SELENOT: variants seen among roughly 807,000 people sequenced by gnomAD.
SELENOT encodes selenoprotein T.
SELENOT carries 9 observed loss-of-function variants against 24.3 expected under a neutral mutation model. The ratio of observed to expected loss-of-function variants is 0.37; its 90% CI spans 0.22 to 0.65. The LOEUF is 0.65. SELENOT is among the 30% of genes least tolerant of loss of function. SELENOT has a pLI of 0.60. For missense variants in SELENOT, 166 were observed against 247.6 expected (o/e 0.67, Z 2.21); for synonymous variants, 81 against 86.0 (o/e 0.94, Z 0.32).
At chr3:150,604,354 A>T (rs1217840665) in intron 1 of SELENOT, among the ~76,000 whole-genome samples, 1 of 152,100 alleles carries the variant, frequency 6.6e-6, no homozygotes, top group East Asian at 1.9e-4. Flanking sequence ...GCGGGTGGGG[A>T]TTGAAAGGCT....
chr3:150,629,705 C>T lies in SELENOT; in HGVS notation c.*2076C>T, dbSNP rs1250457938. 1 of 152,500 alleles carries T rather than the reference C, an allele frequency of 6.6e-6. No homozygotes were observed. Among genetic ancestry groups the T allele is most frequent in the African/African-American group, 2.4e-5 (1 of 41,416 alleles). 9.4% of individuals were successfully genotyped at this position (152,500 alleles called of 1,614,324 possible). On this transcript the variant is annotated 3_prime_UTR_variant, in exon 6 of 6. Coordinates refer to ENST00000471696, the MANE Select transcript of SELENOT (RefSeq NM_016275.5). ...ATAAAATTCAGCTGTGTTGTTGACG[C>T]TCATCTCTTTTGTCTTACGCTTAGC...
intron 1 of SELENOT, among the ~76,000 whole-genome samples, chr3:150,619,592 G>A (rs187579058): frequency 2.3e-4 from 35 of 152,302 alleles, no homozygotes; most frequent in African/African-American, 7.9e-4. Context: ...CATTTAGTCC[G>A]GAGCAGAAGG....
chr3:150,604,522 ATCAT>A (rs1725914536), intron 1 of SELENOT, among the ~76,000 whole-genome samples: 1 of 152,224 alleles, frequency 6.6e-6, no homozygotes, highest in African/African-American at 2.4e-5. Flanking sequence ...GGTGTTGGAC[ATCAT>A]TCATTTAAAA....
intron 4 of SELENOT, among the ~76,000 whole-genome samples, chr3:150,625,870 C>CTTTTT (rs34698339): frequency 7.2e-6 from 1 of 139,306 alleles, no homozygotes; most frequent in Non-Finnish European, 1.6e-5. Context: ...TAAACAATAA[C>CTTTTT]TTTTTTTTTT....
intron 4 of SELENOT, 95 bp downstream of exon 4, chr3:150,624,994 G>C (rs545766203): frequency 3.8e-5 from 21 of 559,558 alleles, no homozygotes; most frequent in South Asian, 1.4e-4. Flanking sequence ...AACTTCTTTA[G>C]TGTTTGTATA....
At chr3:150,610,455 C>A (rs1726062809) in intron 1 of SELENOT, among the ~76,000 whole-genome samples, 1 of 152,134 alleles carries the variant, frequency 6.6e-6, no homozygotes, top group Non-Finnish European at 1.5e-5. Context: ...GTCTATTAGA[C>A]TGGGTTCATG....
intron 1 of SELENOT, among the ~76,000 whole-genome samples, chr3:150,616,676 G>A (rs1191787265): frequency 6.6e-6 from 1 of 152,196 alleles, no homozygotes; most frequent in African/African-American, 2.4e-5. Flanking sequence ...AGTTAGAATG[G>A]CAGTCATTAA....
intron 1 of SELENOT, among the ~76,000 whole-genome samples, chr3:150,605,585 C>T (rs1725945539): frequency 6.6e-6 from 1 of 151,946 alleles, no homozygotes; most frequent in Admixed American, 6.6e-5. Flanking sequence ...AAAATGCTTC[C>T]ATTTAAAAAA....
chr3:150,618,431 G>A (rs556692524), intron 1 of SELENOT, among the ~76,000 whole-genome samples: 2 of 152,292 alleles, frequency 1.3e-5, no homozygotes, highest in East Asian at 3.9e-4. Flanking sequence ...GCGAGAGATT[G>A]GGGTTTATGA....
At chr3:150,620,462 C>T (rs1726313719) in intron 1 of SELENOT, among the ~76,000 whole-genome samples, 1 of 152,210 alleles carries the variant, frequency 6.6e-6, no homozygotes, top group Non-Finnish European at 1.5e-5. Flanking sequence ...ATCCCTGGCA[C>T]TCAGTGAGGA....
chr3:150,613,665 C>CTT (rs531822237), intron 1 of SELENOT, among the ~76,000 whole-genome samples: 16,233 of 78,816 alleles, frequency 0.21, 2,770 homozygotes, highest in East Asian at 0.45. Flanking sequence ...AAGATGGGAA[C>CTT]TTTTTTTTTT....
At chr3:150,611,824 AC>A in intron 1 of SELENOT, 1 of 940,832 alleles carries the variant, frequency 1.1e-6, no homozygotes. Flanking sequence ...ACTGGCGACC[AC>A]AGCGGCCACT....
chr3:150,605,582 T>TGAGAAAA (rs1347614016), intron 1 of SELENOT, among the ~76,000 whole-genome samples: 42 of 152,288 alleles, frequency 2.8e-4, no homozygotes, highest in African/African-American at 9.1e-4. Context: ...ACAAAAATGC[T>TGAGAAAA]TCCATTTAAA....
chr3:150,605,816 G>T (rs1725950507), intron 1 of SELENOT, among the ~76,000 whole-genome samples: 1 of 152,154 alleles, frequency 6.6e-6, no homozygotes, highest in South Asian at 2.1e-4. Flanking sequence ...AAGTTTGTTT[G>T]AGAAAGGACA....
intron 1 of SELENOT, among the ~76,000 whole-genome samples, chr3:150,610,972 T>C (rs1726072977): frequency 6.6e-6 from 1 of 151,584 alleles, no homozygotes; most frequent in Admixed American, 6.6e-5. Flanking sequence ...CTGTATTTAA[T>C]GGTCTTGCCA....
At chr3:150,605,034 T>C (rs1178311334) in intron 1 of SELENOT, among the ~76,000 whole-genome samples, 2 of 80,966 alleles carry the variant, frequency 2.5e-5, no homozygotes, top group African/African-American at 7.9e-5. Context: ...CGAAACTCCG[T>C]CTCAAAAAAA....
At chr3:150,613,159 C>G (rs1447545364) in intron 1 of SELENOT, among the ~76,000 whole-genome samples, 1 of 152,168 alleles carries the variant, frequency 6.6e-6, no homozygotes, top group African/African-American at 2.4e-5. Flanking sequence ...TCTCATAGTT[C>G]TGGAGGCTGG....
Position 150,603,433 on chromosome 3 carries a change from G to T in SELENOT, c.71G>T (p.Gly24Val). Residue 24 changes from glycine (G) to valine (V), a missense_variant, in exon 1 of 6, where the codon GGC becomes GTC. By Grantham distance (109) the Gly-to-Val change is moderately radical. Coordinates refer to ENST00000471696, the MANE Select transcript of SELENOT (RefSeq NM_016275.5). ...MVRSEASANL[G>V]GVPSKRLKMQ... ...CGGAGCGAGGCCTCGGCCAATCTGG[G>T]CGGCGTGCCCAGCAAGAGATTAAAG... 1 of 1,613,336 alleles carries T rather than the reference G, an allele frequency of 6.2e-7. No homozygotes were observed. The highest frequency in any genetic ancestry group is 1.3e-5 in the African/African-American group (1 of 75,056).
intron 3 of SELENOT, among the ~76,000 whole-genome samples, chr3:150,624,562 G>A (rs889571199): frequency 3.3e-5 from 5 of 152,058 alleles, no homozygotes; most frequent in African/African-American, 1.2e-4. Flanking sequence ...TCTTATGCTT[G>A]TATTCTTTTG....
Sources: gnomAD v4.1 joint callset for allele counts (sites outside exome capture counted in the v4.1 genomes callset) on GRCh38, gnomAD v4.1.1 for gene constraint, MANE v1.5 for transcripts, NCBI Gene and HGNC (gene_info 2026-07-23, HGNC 2026-07-21) for gene names.